Variants in TMEM132D observed in about 807,000 individuals in gnomAD.
TMEM132D encodes the protein mature OL transmembrane protein.
TMEM132D carries 21 observed loss-of-function variants against 62.3 expected under a neutral mutation model. The ratio of observed to expected loss-of-function variants is 0.34; its 90% CI spans 0.24 to 0.49. TMEM132D has a LOEUF of 0.49. Ranked by LOEUF, TMEM132D falls within the 20% of genes least tolerant of loss-of-function variation. The probability of loss-of-function intolerance (pLI) is 0.99; values close to 1 mark genes in which losing one functional copy is unlikely to be tolerated. For synonymous variants in TMEM132D, 621 were observed against 575.6 expected, an observed-to-expected ratio of 1.08 and a Z score of -1.13; for missense variants, 1,346 against 1,402.8, an observed-to-expected ratio of 0.96 and a Z score of 0.65.
At chr12:129,859,039 G>C (rs1026552117) in intron 1 of TMEM132D, among the ~76,000 whole-genome samples, 1 of 151,306 alleles carries the variant, frequency 6.6e-6, no homozygotes, top group Non-Finnish European at 1.5e-5. Context: ...CCGGGGGAAC[G>C]GGATGGGTGC....
chr12:129,342,733 AAAAC>A (rs1370598675), intron 3 of TMEM132D, among the ~76,000 whole-genome samples: 7 of 152,192 alleles, frequency 4.6e-5, no homozygotes, highest in South Asian at 4.1e-4. Context: ...TTACAAGAAA[AAAAC>A]AAACAACCCC....
chr12:129,444,952 C>G (rs1321355414), intron 3 of TMEM132D, among the ~76,000 whole-genome samples: 1 of 152,166 alleles, frequency 6.6e-6, no homozygotes, highest in African/African-American at 2.4e-5. Flanking sequence ...AACAAAACTA[C>G]TATTTGACCC....
intron 2 of TMEM132D, among the ~76,000 whole-genome samples, chr12:129,667,941 C>T (rs188682996): frequency 2.5e-4 from 35 of 142,596 alleles, no homozygotes; most frequent in African/African-American, 8.7e-4. Flanking sequence ...CCTTGTCCAT[C>T]GTGTCTTAAA....
At chr12:129,329,409 G>T (rs1157517321) in intron 4 of TMEM132D, among the ~76,000 whole-genome samples, 2 of 152,066 alleles carry the variant, frequency 1.3e-5, no homozygotes, top group African/African-American at 4.8e-5. Context: ...AACAACAGAG[G>T]GTATCTGGCA....
intron 1 of TMEM132D, among the ~76,000 whole-genome samples, chr12:129,756,717 T>C (rs1346506498): frequency 6.6e-6 from 1 of 152,198 alleles, no homozygotes; most frequent in Non-Finnish European, 1.5e-5. Flanking sequence ...AAAATTACAA[T>C]TTTAAAAAGA....
intron 3 of TMEM132D, among the ~76,000 whole-genome samples, chr12:129,428,818 G>A (rs1313831979): frequency 2.0e-5 from 3 of 152,222 alleles, no homozygotes; most frequent in Non-Finnish European, 2.9e-5. Context: ...GACTGAGCGA[G>A]AGGGGACCAG....
At chr12:129,392,498 T>C (rs1871314519) in intron 3 of TMEM132D, among the ~76,000 whole-genome samples, 1 of 152,224 alleles carries the variant, frequency 6.6e-6, no homozygotes, top group Non-Finnish European at 1.5e-5. Flanking sequence ...TCTGGTCTCA[T>C]GGGCCTGCAC....
rs1172918034 is a variant in TMEM132D at position 129,316,577 on chromosome 12, C to G, written c.1299+21057G>C. ...TTTTTATGCCCTATGATATGTCTAT[C>G]TTGGAGAAAGTTCCATGCGCTGTTG... On this transcript the variant is annotated intron_variant, in intron 4 of 8. Transcript: ENST00000422113. 1.3e-5 allele frequency among the ~76,000 whole-genome samples: 2 copies of G among 152,064 alleles called. 1 individual carries two copies. Among genetic ancestry groups the G allele is most frequent in the African/African-American group, 4.8e-5 (2 of 41,414 alleles).
At chr12:129,529,149 G>T (rs895268929) in intron 3 of TMEM132D, among the ~76,000 whole-genome samples, 1 of 152,100 alleles carries the variant, frequency 6.6e-6, no homozygotes, top group Non-Finnish European at 1.5e-5. Flanking sequence ...GCCTCCAGAA[G>T]ACAAGAAGAA....
chr12:129,817,254 CAG>C (rs1324065493), intron 1 of TMEM132D, among the ~76,000 whole-genome samples: 1 of 152,206 alleles, frequency 6.6e-6, no homozygotes, highest in Non-Finnish European at 1.5e-5. Context: ...GCGTCAGACA[CAG>C]TGGGCTTTTC....
At chr12:129,615,309 C>G (rs748687460) in intron 2 of TMEM132D, among the ~76,000 whole-genome samples, 1 of 152,124 alleles carries the variant, frequency 6.6e-6, no homozygotes, top group Admixed American at 6.5e-5. Context: ...GATGAATCTT[C>G]CGTCAAGCTC....
intron 4 of TMEM132D, among the ~76,000 whole-genome samples, chr12:129,267,937 G>T (rs1387579746): frequency 6.6e-6 from 1 of 152,184 alleles, no homozygotes; most frequent in Non-Finnish European, 1.5e-5. Flanking sequence ...ATGGGGAAAG[G>T]ATTCCCTATT....
At chr12:129,517,734 C>G (rs1875724571) in intron 3 of TMEM132D, among the ~76,000 whole-genome samples, 1 of 152,190 alleles carries the variant, frequency 6.6e-6, no homozygotes, top group Admixed American at 6.5e-5. Context: ...GATACAGTTT[C>G]TTAGGCTCAT....
intron 2 of TMEM132D, among the ~76,000 whole-genome samples, chr12:129,686,701 CA>C (rs1880929278): frequency 1.3e-5 from 2 of 152,196 alleles, no homozygotes. Flanking sequence ...CCCACACAAG[CA>C]CTCCCTGGGA....
chr12:129,903,471 G>A lies in TMEM132D; in HGVS notation c.-132C>T, dbSNP rs1446802838. 6 of 923,772 alleles carry A rather than the reference G, an allele frequency of 6.5e-6. No individual in the cohort carries two copies. The highest frequency in any genetic ancestry group is 1.7e-5 in the South Asian group (1 of 60,392). 57.2% of individuals were successfully genotyped at this position (923,772 alleles called of 1,614,324 possible). ...GCCCGGCTAGGGGCCCGAGCAGCCC[G>A]GGCGCCCTGCTCCCTCTTCCCGCCA... On this transcript the variant is annotated 5_prime_UTR_variant, in exon 1 of 9. Coordinates refer to ENST00000422113, the MANE Select transcript of TMEM132D (RefSeq NM_133448.3). The surrounding 1 kb of genome is among the most constrained non-coding windows in gnomAD (Gnocchi z 6.2).
intron 1 of TMEM132D, among the ~76,000 whole-genome samples, chr12:129,743,267 A>T (rs908089639): frequency 2.0e-5 from 3 of 152,186 alleles, no homozygotes; most frequent in African/African-American, 4.8e-5. Context: ...TCCACTTTTC[A>T]TCTTGAATTG....
At chr12:129,490,514 C>T (rs1355751193) in intron 3 of TMEM132D, among the ~76,000 whole-genome samples, 2 of 147,396 alleles carry the variant, frequency 1.4e-5, no homozygotes, top group African/African-American at 5.0e-5. Context: ...CTGCAAGCTC[C>T]GCCTCCCGGG....
chr12:129,818,468 A>G (rs1872440630), intron 1 of TMEM132D, among the ~76,000 whole-genome samples: 1 of 129,700 alleles, frequency 7.7e-6, no homozygotes, highest in African/African-American at 3.0e-5. Context: ...ATCTGTGTGT[A>G]TGTGGTTTTG....
chr12:129,097,233 C>A (rs1347481629), intron 5 of TMEM132D, among the ~76,000 whole-genome samples: 1 of 152,238 alleles, frequency 6.6e-6, no homozygotes, highest in Non-Finnish European at 1.5e-5. Context: ...CGGTGACGAC[C>A]AACAGTGTCT....
Sources: gnomAD v4.1 joint callset for allele counts (sites outside exome capture counted in the v4.1 genomes callset) on GRCh38, gnomAD v4.1.1 for gene constraint, Gnocchi (gnomAD v3.1) non-coding constraint, MANE v1.5 for transcripts, NCBI Gene and HGNC (gene_info 2026-07-23, HGNC 2026-07-21) for gene names.